SLC35F1: variants seen among roughly 807,000 people sequenced by gnomAD.
SLC35F1 encodes the protein solute carrier family 35 member F1.
A neutral mutation model predicts 48.7 loss-of-function variants in SLC35F1; 14 were observed. That is an observed-to-expected ratio of 0.29 (90% CI 0.19 to 0.45). The LOEUF is 0.45. Ranked by LOEUF, SLC35F1 falls within the 20% of genes least tolerant of loss-of-function variation. SLC35F1 has a pLI of 1.00. For missense variants in SLC35F1, 404 were observed against 500.0 expected (o/e 0.81, Z 1.83); for synonymous variants, 190 against 202.2 (o/e 0.94, Z 0.51).
Position 118,294,395 on chromosome 6 carries a change from T to C in SLC35F1, c.1002+9057T>C, listed in dbSNP as rs75506408. Among the ~76,000 whole-genome samples the C allele has an allele frequency of 9.9e-3, 1,509 of 152,350 alleles. 26 individuals are homozygous for C. The highest frequency in any genetic ancestry group is 0.034 in the African/African-American group (1,427 of 41,576). On this transcript the variant is annotated intron_variant, in intron 7 of 7. Transcript: ENST00000360388. The stretch of plus-strand genomic sequence containing the variant: ...TAAAGTAAAATGCCAAACAGTTCTT[T>C]CACTGTATGCCATCGCGTGCTGAAC...
chr6:118,311,151 T>C (rs1018644020), intron 7 of SLC35F1, among the ~76,000 whole-genome samples: 3 of 152,366 alleles, frequency 2.0e-5, no homozygotes, highest in Non-Finnish European at 4.4e-5. Context: ...TCCAATTCAT[T>C]GTCCTATCAT....
intron 1 of SLC35F1, among the ~76,000 whole-genome samples, chr6:117,975,474 C>T (rs1336628635): frequency 6.6e-6 from 1 of 152,076 alleles, no homozygotes; most frequent in Non-Finnish European, 1.5e-5. Context: ...GGACCTAATG[C>T]CTTGAAAATT....
Position 117,923,620 on chromosome 6 carries a change from T to TATACATATATGTACATATGTAC in SLC35F1, c.173+15724_173+15725insCATATATGTACATATGTACATA, listed in dbSNP as rs1562238506. ...ATGTGTATATATACATATACATATGTATATATACATATATGTACATATGTA... is the reference window on the plus strand; with the variant it reads ...ATGTGTATATATACATATACATATGTATACATATATGTACATATGTACATATATACATATATGTACATATGTA... On this transcript the variant is annotated intron_variant, in intron 1 of 7. Transcript: ENST00000360388. Among the ~76,000 whole-genome samples the TATACATATATGTACATATGTAC allele has an allele frequency of 2.9e-4, 8 of 27,196 alleles. 1 individual carries two copies. The highest frequency in any genetic ancestry group is 8.4e-4 in the Non-Finnish European group (8 of 9,504). 17.8% of individuals were successfully genotyped at this position (27,196 alleles called of 152,430 possible).
At chr6:118,256,922 C>A (rs746745349) in intron 3 of SLC35F1, among the ~76,000 whole-genome samples, 1 of 152,066 alleles carries the variant, frequency 6.6e-6, no homozygotes, top group Non-Finnish European at 1.5e-5. Flanking sequence ...TCAAAGATAA[C>A]CATTGTTAAC....
At chr6:117,923,772 T>C (rs1375982897) in intron 1 of SLC35F1, among the ~76,000 whole-genome samples, 3 of 120,688 alleles carry the variant, frequency 2.5e-5, no homozygotes, top group African/African-American at 3.0e-5. Flanking sequence ...TGCACATACA[T>C]ATGTATATAT....
intron 7 of SLC35F1, among the ~76,000 whole-genome samples, chr6:118,292,633 C>T (rs1435928863): frequency 6.6e-6 from 1 of 151,524 alleles, no homozygotes; most frequent in Admixed American, 6.6e-5. Context: ...TGCTTATCCA[C>T]GCAGAACTAA....
At chr6:117,999,503 C>T in intron 1 of SLC35F1, 1 of 1,287,192 alleles carries the variant, frequency 7.8e-7, no homozygotes, top group Non-Finnish European at 1.1e-6. Flanking sequence ...ACCCCCACCC[C>T]TGGGCTATCA....
At chr6:118,255,486 C>A (rs1342990502) in intron 3 of SLC35F1, among the ~76,000 whole-genome samples, 1 of 152,172 alleles carries the variant, frequency 6.6e-6, no homozygotes, top group Non-Finnish European at 1.5e-5. Flanking sequence ...AGGCAGATTT[C>A]CCCGCAACTG....
At chr6:118,138,934 A>G (rs984480664) in intron 1 of SLC35F1, among the ~76,000 whole-genome samples, 2 of 151,476 alleles carry the variant, frequency 1.3e-5, no homozygotes, top group African/African-American at 4.9e-5. Flanking sequence ...ACTTCCATAG[A>G]GGATATTTTT....
At chr6:118,140,971 T>C (rs1013743626) in intron 1 of SLC35F1, among the ~76,000 whole-genome samples, 2 of 152,206 alleles carry the variant, frequency 1.3e-5, no homozygotes, top group Non-Finnish European at 2.9e-5. Context: ...TTTTTAAAAA[T>C]GAAAAAAGTT....
At chr6:118,247,964 T>C (rs958970029) in intron 3 of SLC35F1, among the ~76,000 whole-genome samples, 3 of 152,224 alleles carry the variant, frequency 2.0e-5, no homozygotes, top group Admixed American at 6.5e-5. Flanking sequence ...TTTGGTTCTT[T>C]CCAAATAGTA....
At chr6:117,926,497 A>AGT (rs141230063) in intron 1 of SLC35F1, among the ~76,000 whole-genome samples, 3,061 of 151,706 alleles carry the variant, frequency 0.02, 41 homozygotes, top group Non-Finnish European at 0.032. Flanking sequence ...TTAAAAGAGG[A>AGT]GTGTGTGTGT....
intron 2 of SLC35F1, among the ~76,000 whole-genome samples, chr6:118,175,236 T>A (rs1774470498): frequency 6.6e-6 from 1 of 152,108 alleles, no homozygotes; most frequent in Admixed American, 6.6e-5. Flanking sequence ...ATTTTCCACT[T>A]CCTACAGACT....
At chr6:118,173,974 C>T (rs940608287) in intron 2 of SLC35F1, among the ~76,000 whole-genome samples, 4 of 152,190 alleles carry the variant, frequency 2.6e-5, no homozygotes, top group Non-Finnish European at 5.9e-5. Flanking sequence ...AGTACTGATT[C>T]TGCTCTCAAA....
intron 2 of SLC35F1, among the ~76,000 whole-genome samples, chr6:118,182,293 A>G (rs1215893112): frequency 6.6e-6 from 1 of 151,772 alleles, no homozygotes; most frequent in Admixed American, 6.6e-5. Context: ...CGAGACCAGC[A>G]TGGGCAATAT....
chr6:118,180,216 C>T (rs963281864), intron 2 of SLC35F1, among the ~76,000 whole-genome samples: 4 of 152,024 alleles, frequency 2.6e-5, no homozygotes, highest in Admixed American at 1.3e-4. Flanking sequence ...GGTAGTTTCC[C>T]TAGGTGTTTG....
chr6:118,142,300 T>C (rs1243026014), intron 1 of SLC35F1, among the ~76,000 whole-genome samples: 2 of 152,182 alleles, frequency 1.3e-5, no homozygotes, highest in East Asian at 1.9e-4. Flanking sequence ...AACATGATGC[T>C]ACTACATATA....
At chr6:117,957,494 A>G (rs1776441895) in intron 1 of SLC35F1, among the ~76,000 whole-genome samples, 1 of 152,232 alleles carries the variant, frequency 6.6e-6, no homozygotes, top group Non-Finnish European at 1.5e-5. Context: ...TCTGAAAAAC[A>G]GTTTTGTCAT....
intron 2 of SLC35F1, among the ~76,000 whole-genome samples, chr6:118,231,826 G>T (rs1775296410): frequency 6.6e-6 from 1 of 152,198 alleles, no homozygotes; most frequent in Non-Finnish European, 1.5e-5. Flanking sequence ...GCAATTCTGT[G>T]TTCACTGTGT....
Sources: gnomAD v4.1 joint callset for allele counts (sites outside exome capture counted in the v4.1 genomes callset) on GRCh38, gnomAD v4.1.1 for gene constraint, MANE v1.5 for transcripts, NCBI Gene and HGNC (gene_info 2026-07-23, HGNC 2026-07-21) for gene names.